Variants in SHOC1 observed in about 807,000 individuals in gnomAD.
SHOC1 encodes shortage in chiasmata 1.
Under a neutral mutation model 179.2 loss-of-function variants are expected in SHOC1, and 136 were observed. The observed-to-expected ratio is 0.76, with a 90% confidence interval of 0.66 to 0.87. SHOC1 has a LOEUF of 0.87. SHOC1 is among the 40% of genes least tolerant of loss of function. SHOC1 has a pLI of 0.00. For missense variants in SHOC1, 1,538 were observed against 1,700.8 expected (o/e 0.90, Z 1.68); for synonymous variants, 489 against 586.6 (o/e 0.83, Z 2.41).
chr9:111,702,348 C>T (rs1185095062), intron 22 of SHOC1, 122 bp from the exon 23 acceptor site: 3 of 634,766 alleles, frequency 4.7e-6, no homozygotes, highest in Non-Finnish European at 5.2e-6. Context: ...TGGGTATGAG[C>T]CCCCATTTCA....
intron 5 of SHOC1, among the ~76,000 whole-genome samples, chr9:111,762,860 T>A (rs142366781): frequency 6.6e-6 from 1 of 151,736 alleles, no homozygotes; most frequent in Non-Finnish European, 1.5e-5. Context: ...TTAGTCAGTA[T>A]AGTCAGACAA....
chr9:111,761,086 G>A (rs1835114921), intron 5 of SHOC1, among the ~76,000 whole-genome samples: 1 of 152,070 alleles, frequency 6.6e-6, no homozygotes, highest in African/African-American at 2.4e-5. Flanking sequence ...AATGTGAGTG[G>A]CATTTCTAAT....
At chr9:111,703,762 T>C (rs938108372) in intron 22 of SHOC1, 119 bp downstream of exon 22, 10 of 520,536 alleles carry the variant, frequency 1.9e-5, no homozygotes, top group African/African-American at 1.6e-4. Flanking sequence ...TGTGGCCCAT[T>C]TGCAAAATTT....
intron 5 of SHOC1, among the ~76,000 whole-genome samples, chr9:111,772,486 T>C (rs1229759054): frequency 1.3e-5 from 2 of 152,216 alleles, no homozygotes; most frequent in African/African-American, 4.8e-5. Context: ...TGTGGGTATA[T>C]GTCTATGTCT....
At chr9:111,754,703 A>G (rs1834775388) in intron 8 of SHOC1, among the ~76,000 whole-genome samples, 1 of 151,764 alleles carries the variant, frequency 6.6e-6, no homozygotes, top group Non-Finnish European at 1.5e-5. Flanking sequence ...GACAGCCCAA[A>G]TATCTATCAA....
intron 11 of SHOC1, among the ~76,000 whole-genome samples, chr9:111,740,982 G>A (rs1008532329): frequency 6.6e-6 from 1 of 152,086 alleles, no homozygotes; most frequent in African/African-American, 2.4e-5. Flanking sequence ...CCGCCTCCCA[G>A]GTTTTCAAGT....
rs1831158024 is a variant in SHOC1 at position 111,686,287 on chromosome 9, T to C, written c.*483A>G. 1 of 152,264 alleles carries C rather than the reference T, an allele frequency of 6.6e-6. No homozygotes were observed. Among genetic ancestry groups the C allele is most frequent in the Non-Finnish European group, 1.5e-5 (1 of 68,050 alleles). 9.4% of individuals were successfully genotyped at this position (152,264 alleles called of 1,614,324 possible). On this transcript the variant is annotated 3_prime_UTR_variant, in exon 28 of 28. Coordinates refer to ENST00000682961, the MANE Select transcript of SHOC1 (RefSeq NM_001378211.1). ...TTTCTATCAATTTGTAGGAATTCTT[T>C]ATATATGAGAAATGTAAACTTTTTT...
intron 12 of SHOC1, among the ~76,000 whole-genome samples, chr9:111,735,823 T>A (rs1192263310): frequency 6.6e-6 from 1 of 152,246 alleles, no homozygotes; most frequent in Non-Finnish European, 1.5e-5. Flanking sequence ...AGCATTTCTA[T>A]TTTTCCACAT....
intron 8 of SHOC1, among the ~76,000 whole-genome samples, chr9:111,752,651 T>A (rs988044566): frequency 7.9e-5 from 12 of 152,196 alleles, no homozygotes; most frequent in African/African-American, 2.4e-4. Context: ...ATCCAAAGAT[T>A]TCAAAGCAGT....
chr9:111,712,392 G>A (rs1832591342), intron 18 of SHOC1, among the ~76,000 whole-genome samples: 1 of 152,162 alleles, frequency 6.6e-6, no homozygotes, highest in Non-Finnish European at 1.5e-5. Flanking sequence ...AAAGGAGGAG[G>A]AATAATGTTT....
intron 5 of SHOC1, among the ~76,000 whole-genome samples, chr9:111,766,259 T>C (rs1835356350): frequency 6.6e-6 from 1 of 152,210 alleles, no homozygotes; most frequent in Non-Finnish European, 1.5e-5. Flanking sequence ...TGAATAATAT[T>C]CCATTGTGTA....
chr9:111,693,421 C>CAAAAAAAA (rs59200447), intron 26 of SHOC1, among the ~76,000 whole-genome samples: 1 of 85,826 alleles, frequency 1.2e-5, no homozygotes, highest in Non-Finnish European at 2.3e-5. Context: ...CCCGTTTCTA[C>CAAAAAAAA]AAAAAAAAAA....
intron 16 of SHOC1, among the ~76,000 whole-genome samples, chr9:111,716,025 G>C (rs1298433716): frequency 1.3e-5 from 2 of 152,022 alleles, no homozygotes; most frequent in Admixed American, 6.6e-5. Context: ...CCATTATACA[G>C]AGAGAAAGAA....
intron 8 of SHOC1, among the ~76,000 whole-genome samples, chr9:111,752,013 C>G (rs1223909652): frequency 6.6e-6 from 1 of 152,116 alleles, no homozygotes; most frequent in Non-Finnish European, 1.5e-5. Flanking sequence ...AAATGACTAT[C>G]TGAAGGTACT....
chr9:111,788,064 C>CTT (rs35764341), intron 2 of SHOC1, among the ~76,000 whole-genome samples: 59,082 of 122,576 alleles, frequency 0.48, 16,065 homozygotes, highest in East Asian at 0.8. Flanking sequence ...ATAAACATAA[C>CTT]TTTTTTTTTT....
intron 5 of SHOC1, among the ~76,000 whole-genome samples, chr9:111,765,090 G>A (rs966124985): frequency 6.6e-6 from 1 of 150,964 alleles, no homozygotes; most frequent in Non-Finnish European, 1.5e-5. Context: ...GCTGTGAGCC[G>A]AGATCACGCC....
chr9:111,749,535 T>G (rs1834467059), intron 8 of SHOC1, among the ~76,000 whole-genome samples: 1 of 152,134 alleles, frequency 6.6e-6, no homozygotes. Context: ...ACTTTTAAGT[T>G]CAGGGGTACA....
chr9:111,789,862 A>C (rs1836391835), intron 2 of SHOC1, among the ~76,000 whole-genome samples: 1 of 152,112 alleles, frequency 6.6e-6, no homozygotes, highest in South Asian at 2.1e-4. Flanking sequence ...TTAACTACAC[A>C]TTTGCTTCTC....
At chr9:111,789,360 A>G (rs1336621644) in intron 2 of SHOC1, among the ~76,000 whole-genome samples, 1 of 152,202 alleles carries the variant, frequency 6.6e-6, no homozygotes, top group Non-Finnish European at 1.5e-5. Flanking sequence ...TTATAGTTAT[A>G]AATATTACTT....
Sources: gnomAD v4.1 joint callset for allele counts (sites outside exome capture counted in the v4.1 genomes callset) on GRCh38, gnomAD v4.1.1 for gene constraint, MANE v1.5 for transcripts, NCBI Gene and HGNC (gene_info 2026-07-23, HGNC 2026-07-21) for gene names.